Variants in DIS3L2 observed in about 807,000 individuals in gnomAD.
DIS3L2 encodes DIS3-like exonuclease 2.
Under a neutral mutation model 97.5 loss-of-function variants are expected in DIS3L2, and 34 were observed. The ratio of observed to expected loss-of-function variants is 0.35; its 90% CI spans 0.27 to 0.46. DIS3L2 has a LOEUF of 0.46. Ranked by LOEUF, DIS3L2 falls within the 20% of genes least tolerant of loss-of-function variation. The probability of loss-of-function intolerance (pLI) is 1.00; values close to 1 mark genes in which losing one functional copy is unlikely to be tolerated. For synonymous variants in DIS3L2, 435 were observed against 445.2 expected, an observed-to-expected ratio of 0.98 and a Z score of 0.29; for missense variants, 1,038 against 1,146.0, an observed-to-expected ratio of 0.91 and a Z score of 1.36.
chr2:232,085,271 G>A lies in DIS3L2; in HGVS notation c.367-2216G>A, dbSNP rs73995078. Among the ~76,000 whole-genome samples, 1,048 of 152,060 alleles carry A rather than the reference G, an allele frequency of 6.9e-3. 17 individuals are homozygous for A. Among genetic ancestry groups the A allele is most frequent in the African/African-American group, 0.024 (990 of 41,442 alleles). ...TCATTCTTTCAATATATTTAATTGCGCTTCTCACTAGTCGACTTTTGATTG... is the reference window on the plus strand; with the variant it reads ...TCATTCTTTCAATATATTTAATTGCACTTCTCACTAGTCGACTTTTGATTG... On this transcript the variant is annotated intron_variant, in intron 5 of 20. Transcript: ENST00000325385.
intron 10 of DIS3L2, among the ~76,000 whole-genome samples, chr2:232,213,672 T>TTTTC (rs1237520470): frequency 1.3e-5 from 2 of 150,808 alleles, no homozygotes; most frequent in Non-Finnish European, 3.0e-5. Flanking sequence ...TTTTTTTTTT[T>TTTTC]TTTTTTTTTT....
intron 11 of DIS3L2, among the ~76,000 whole-genome samples, chr2:232,248,785 G>A (rs1056546521): frequency 1.3e-5 from 2 of 152,048 alleles, no homozygotes; most frequent in African/African-American, 4.8e-5. Context: ...GGTAAATTAC[G>A]GTATATTCAG....
Position 232,336,741 on chromosome 2 carries a change from GTTTGTT to G in DIS3L2, c.*115_*120del. 1.3e-6 allele frequency: 2 copies of G among 1,490,332 alleles called. No homozygotes were observed. Among genetic ancestry groups the G allele is most frequent in the Non-Finnish European group, 1.8e-6 (2 of 1,131,050 alleles). 92.3% of individuals were successfully genotyped at this position (1,490,332 alleles called of 1,614,324 possible). A position where few individuals can be genotyped will look rare whatever the true frequency, so the allele number is the denominator to read the frequency against. On this transcript the variant is annotated 3_prime_UTR_variant, in exon 21 of 21. Transcript: ENST00000325385. The stretch of plus-strand genomic sequence containing the variant: ...TAATTTGGTTTTTAACAACTCAGGG[GTTTGTT>G]TTTATTTTTATTTAATTTTTGCAGC...
intron 6 of DIS3L2, among the ~76,000 whole-genome samples, chr2:232,122,075 A>G (rs1697923424): frequency 6.6e-6 from 1 of 152,134 alleles, no homozygotes; most frequent in Admixed American, 6.5e-5. Context: ...CCATTCTCCT[A>G]TAGCTCCCCA....
intron 13 of DIS3L2, among the ~76,000 whole-genome samples, chr2:232,274,459 C>T (rs1559187081): frequency 6.6e-6 from 1 of 152,180 alleles, no homozygotes; most frequent in Non-Finnish European, 1.5e-5. Flanking sequence ...GGAAGGGGAA[C>T]CCTTGCAGCT....
chr2:232,215,639 G>C (rs1178844273), intron 10 of DIS3L2, among the ~76,000 whole-genome samples: 2 of 152,126 alleles, frequency 1.3e-5, no homozygotes, highest in African/African-American at 4.8e-5. Flanking sequence ...AAACTCTCTG[G>C]CTCCCCAAAT....
chr2:232,204,103 G>A (rs1691966336), intron 9 of DIS3L2, among the ~76,000 whole-genome samples: 1 of 152,152 alleles, frequency 6.6e-6, no homozygotes, highest in Admixed American at 6.5e-5. Flanking sequence ...TAATCTGGCA[G>A]CATCTGCGAC....
intron 6 of DIS3L2, among the ~76,000 whole-genome samples, chr2:232,114,499 ATT>A (rs1697641634): frequency 6.6e-6 from 1 of 152,188 alleles, no homozygotes; most frequent in African/African-American, 2.4e-5. Context: ...TTATATGTTG[ATT>A]TGAGTTTCAT....
intron 14 of DIS3L2, among the ~76,000 whole-genome samples, chr2:232,321,789 C>T (rs1346692217): frequency 1.3e-5 from 2 of 152,038 alleles, no homozygotes; most frequent in Non-Finnish European, 2.9e-5. Flanking sequence ...AAACAAGAGG[C>T]CCCCCCTTTG....
At chr2:232,313,623 T>G (rs1275248018) in intron 14 of DIS3L2, among the ~76,000 whole-genome samples, 3 of 152,234 alleles carry the variant, frequency 2.0e-5, no homozygotes, top group Non-Finnish European at 4.4e-5. Context: ...TATTATTGCC[T>G]CACAGGTATA....
At chr2:232,132,619 G>A (rs1415499674) in intron 7 of DIS3L2, among the ~76,000 whole-genome samples, 4 of 152,170 alleles carry the variant, frequency 2.6e-5, no homozygotes, top group Non-Finnish European at 4.4e-5. Flanking sequence ...TAGCAATAGA[G>A]GGTGGCCCAG....
At chr2:232,275,823 A>G (rs1389859972) in intron 13 of DIS3L2, among the ~76,000 whole-genome samples, 3 of 152,176 alleles carry the variant, frequency 2.0e-5, no homozygotes, top group African/African-American at 7.2e-5. Context: ...GTCTCCTGGA[A>G]GACGTAGAGG....
At chr2:232,317,505 C>T (rs1178189776) in intron 14 of DIS3L2, among the ~76,000 whole-genome samples, 4 of 152,168 alleles carry the variant, frequency 2.6e-5, no homozygotes, top group Admixed American at 6.5e-5. Flanking sequence ...GGCCCGATCT[C>T]TGCTCACTGT....
At chr2:231,992,586 T>G (rs1183888717) in intron 1 of DIS3L2, among the ~76,000 whole-genome samples, 1 of 152,070 alleles carries the variant, frequency 6.6e-6, no homozygotes, top group Non-Finnish European at 1.5e-5. Flanking sequence ...CCCAGCCCAT[T>G]CATTTCTCAG....
rs1432148804 is a variant in DIS3L2 at position 232,336,724 on chromosome 2, T to C, written c.*94T>C. The C allele has an allele frequency of 1.3e-6, 2 of 1,504,476 alleles. No homozygotes were observed. The highest frequency in any genetic ancestry group is 1.8e-6 in the Non-Finnish European group (2 of 1,137,916). 93.2% of individuals were successfully genotyped at this position (1,504,476 alleles called of 1,614,324 possible). On this transcript the variant is annotated 3_prime_UTR_variant, in exon 21 of 21. Coordinates refer to ENST00000325385, the MANE Select transcript of DIS3L2 (RefSeq NM_152383.5). The stretch of plus-strand genomic sequence containing the variant: ...ACACGGAGGGGGGTTTTTAATTTGG[T>C]TTTTAACAACTCAGGGGTTTGTTTT...
Position 232,087,656 on chromosome 2 carries a change from A to C in DIS3L2, c.536A>C (p.His179Pro). The C allele has an allele frequency of 6.2e-7, 1 of 1,614,184 alleles. No homozygotes were observed. The highest frequency in any genetic ancestry group is 8.5e-7 in the Non-Finnish European group (1 of 1,180,038). ...GATGGCAGCGACTCAGAAGATGGACATGGCATCACACAAAATGTGCTGGTT... is the reference window on the plus strand; with the variant it reads ...GATGGCAGCGACTCAGAAGATGGACCTGGCATCACACAAAATGTGCTGGTT... ...QFDGSDSEDG[H>P]GITQNVLVDG... Residue 179 changes from histidine to proline, a missense_variant, in exon 6 of 21, where the codon CAT becomes CCT. Physicochemically the swap from His to Pro is moderately conservative, Grantham distance 77. Around this residue, in one of 3 missense-constraint regions of DIS3L2, gnomAD observed 813 missense variants for 880.1 expected, o/e 0.92. Transcript: ENST00000325385.
intron 5 of DIS3L2, among the ~76,000 whole-genome samples, chr2:232,060,796 ATCTTTCCATTTTTTGTGTGTCTTTT>A (rs1297518546): frequency 6.6e-6 from 1 of 152,164 alleles, no homozygotes; most frequent in Non-Finnish European, 1.5e-5. Flanking sequence ...AGCATGGAAT[ATCTTTCCATTTTTTGTGTGTCTTTT>A]TCAATTTCTA....
chr2:232,309,945 C>T (rs183321943), intron 14 of DIS3L2, among the ~76,000 whole-genome samples: 1 of 152,346 alleles, frequency 6.6e-6, no homozygotes, highest in African/African-American at 2.4e-5. Flanking sequence ...TTCCCCCCTG[C>T]TTGGTTCTTT....
intron 6 of DIS3L2, among the ~76,000 whole-genome samples, chr2:232,124,798 G>A (rs1488490938): frequency 2.0e-5 from 3 of 151,998 alleles, no homozygotes; most frequent in Admixed American, 6.6e-5. Context: ...GAAAGCCAAA[G>A]GCAAAGAGAA....
Sources: allele counts gnomAD v4.1 joint callset (sites outside exome capture counted in the v4.1 genomes callset), GRCh38; gene constraint gnomAD v4.1.1; regional missense constraint gnomAD v4.1.1; transcripts MANE v1.5; gene names NCBI Gene and HGNC (gene_info 2026-07-23, HGNC 2026-07-21).